Variants in ZFHX3 observed in about 807,000 individuals in gnomAD.
The protein encoded by ZFHX3 is zinc finger homeobox 3, also known as zinc finger homeobox protein 3.
A neutral mutation model predicts 279.1 loss-of-function variants in ZFHX3; 42 were observed. The observed-to-expected ratio is 0.15, with a 90% confidence interval of 0.12 to 0.19. The LOEUF (loss-of-function observed/expected upper bound fraction) is 0.19. Among genes scored for constraint, ZFHX3 ranks in the 10% least tolerant of loss-of-function variants. The pLI is 1.00. For missense variants in ZFHX3, 4,981 were observed against 4,754.0 expected (o/e 1.05, Z -1.40); for synonymous variants, 2,293 against 1,957.8 (o/e 1.17, Z -4.52).
At position 72,785,064 on chromosome 16, in the gene ZFHX3, CAT is replaced by C. The variant is rs2035302707; in HGVS notation, c.*2098_*2099del. 6.6e-6 allele frequency: 1 copy of C among 151,076 alleles called. No individual in the cohort carries two copies. Among genetic ancestry groups the C allele is most frequent in the Non-Finnish European group, 1.5e-5 (1 of 68,030 alleles). 9.4% of individuals were successfully genotyped at this position (151,076 alleles called of 1,614,324 possible). A position where few individuals can be genotyped will look rare whatever the true frequency, so the allele number is the denominator to read the frequency against. On this transcript the variant is annotated 3_prime_UTR_variant, in exon 10 of 10. Coordinates refer to ENST00000268489, the MANE Select transcript of ZFHX3 (RefSeq NM_006885.4). The stretch of plus-strand genomic sequence containing the variant: ...CAGTCTTCAAAGTTCCCTTTTGAAA[CAT>C]AAGGAAGAAAACGAAGGGAAGAAGG...
intron 5 of ZFHX3, among the ~76,000 whole-genome samples, chr16:73,178,767 C>T (rs1441288756): frequency 1.3e-5 from 2 of 152,264 alleles, no homozygotes. Context: ...GGATTACAGG[C>T]ACAGAAGCAT....
At chr16:73,523,318 G>C (rs1235574941) in intron 2 of ZFHX3, among the ~76,000 whole-genome samples, 1 of 152,166 alleles carries the variant, frequency 6.6e-6, no homozygotes, top group African/African-American at 2.4e-5. Context: ...TCCAATTTCA[G>C]CCCTGACATA....
At chr16:73,549,251 A>G (rs1198654993) in intron 2 of ZFHX3, among the ~76,000 whole-genome samples, 1 of 152,196 alleles carries the variant, frequency 6.6e-6, no homozygotes, top group Non-Finnish European at 1.5e-5. Context: ...GGAAATCAAT[A>G]TGAAAAACAG....
Position 73,220,043 on chromosome 16 carries a change from G to A in ZFHX3, c.-1104+37004C>T, listed in dbSNP as rs189951164. Among the ~76,000 whole-genome samples, 20 of 152,064 alleles carry A rather than the reference G, an allele frequency of 1.3e-4. No homozygotes were observed. The East Asian group carries it at 3.5e-3, about 26-fold the overall frequency. On this transcript the variant is annotated intron_variant, in intron 5 of 17. Coordinates refer to the ZFHX3 transcript ENST00000641206. ...GGAGGTTGCAGTAAGCTGAGGTTGT[G>A]CCATTGTACTCCAGCCTGGGCAACA... is the stretch of plus-strand genomic sequence containing the variant.
At chr16:73,461,734 A>G (rs144287967) in intron 2 of ZFHX3, among the ~76,000 whole-genome samples, 6 of 152,160 alleles carry the variant, frequency 3.9e-5, no homozygotes, top group Admixed American at 3.9e-4. Flanking sequence ...ATTCTTCTTC[A>G]TTATCCGTGT....
chr16:73,414,969 A>G (rs534936770), intron 3 of ZFHX3, among the ~76,000 whole-genome samples: 4 of 152,284 alleles, frequency 2.6e-5, no homozygotes, highest in South Asian at 4.1e-4. Flanking sequence ...CTGGGGACAA[A>G]TTTTGATTTT....
At chr16:73,565,955 G>A (rs570230959) in intron 2 of ZFHX3, among the ~76,000 whole-genome samples, 4 of 152,254 alleles carry the variant, frequency 2.6e-5, no homozygotes, top group East Asian at 1.9e-4. Flanking sequence ...GGGCCGGGAT[G>A]GGGGGGATCC....
chr16:72,948,777 T>A (rs1960832291), intron 3 of ZFHX3, among the ~76,000 whole-genome samples: 1 of 152,212 alleles, frequency 6.6e-6, no homozygotes, highest in African/African-American at 2.4e-5. Flanking sequence ...TGTACAAATT[T>A]TACTCAGTTG....
At position 73,626,000 on chromosome 16, in the gene ZFHX3, G is replaced by A. The variant is rs1235584460; in HGVS notation, c.-1547+54180C>T. Among the ~76,000 whole-genome samples, 3 of 152,106 alleles carry A rather than the reference G, an allele frequency of 2.0e-5. No homozygotes were observed. The East Asian group carries it at 5.8e-4, about 29-fold the overall frequency. On this transcript the variant is annotated intron_variant, in intron 2 of 17. Transcript: ENST00000641206. Reference sequence around the variant, plus strand: ...AGCCTCCCAAATAGCTGGGACTACAGGTGCCCACCACCACGCCTGGCTAAT... The same window carrying A: ...AGCCTCCCAAATAGCTGGGACTACAAGTGCCCACCACCACGCCTGGCTAAT...
intron 1 of ZFHX3, among the ~76,000 whole-genome samples, chr16:73,729,257 A>G (rs2142247078): frequency 6.6e-6 from 1 of 152,220 alleles, no homozygotes; most frequent in African/African-American, 2.4e-5. Context: ...AATGGCGTGG[A>G]GGCTCACGCC....
intron 1 of ZFHX3, among the ~76,000 whole-genome samples, chr16:73,047,167 TTCC>T (rs1965329503): frequency 1.3e-5 from 2 of 152,204 alleles, no homozygotes; most frequent in South Asian, 4.1e-4. Flanking sequence ...AACATAGGCA[TTCC>T]TCCTCCTAAC....
chr16:73,007,531 C>T (rs1242751824), intron 1 of ZFHX3, among the ~76,000 whole-genome samples: 1 of 152,220 alleles, frequency 6.6e-6, no homozygotes, highest in Non-Finnish European at 1.5e-5. Context: ...ACTACAATCT[C>T]TGCCTCCCGG....
intron 3 of ZFHX3, among the ~76,000 whole-genome samples, chr16:72,946,156 G>T (rs959751949): frequency 6.6e-6 from 1 of 152,204 alleles, no homozygotes; most frequent in Admixed American, 6.5e-5. Flanking sequence ...AATCCTCCTA[G>T]AATGGCAGGA....
chr16:73,106,725 A>G (rs1966309805), intron 7 of ZFHX3, among the ~76,000 whole-genome samples: 1 of 152,216 alleles, frequency 6.6e-6, no homozygotes, highest in South Asian at 2.1e-4. Context: ...TTCATCATGG[A>G]AGCCCTGCCT....
intron 4 of ZFHX3, among the ~76,000 whole-genome samples, chr16:72,837,093 G>A (rs542993412): frequency 6.6e-6 from 1 of 152,320 alleles, no homozygotes; most frequent in African/African-American, 2.4e-5. Context: ...CTCTTCAGTA[G>A]GACCGAAGTG....
intron 5 of ZFHX3, among the ~76,000 whole-genome samples, chr16:73,241,814 A>AAAAAAC (rs2013132761): frequency 6.7e-6 from 1 of 150,078 alleles, no homozygotes; most frequent in African/African-American, 2.5e-5. Context: ...AAAAAAAAAA[A>AAAAAAC]AGGAGTGTTG....
intron 1 of ZFHX3, among the ~76,000 whole-genome samples, chr16:73,868,265 G>A (rs140278312): frequency 2.0e-4 from 30 of 152,346 alleles, no homozygotes; most frequent in African/African-American, 7.2e-4. Context: ...GCTCACGCCT[G>A]TAATCCCAGC....
Position 72,794,714 on chromosome 16 carries a change from G to C in ZFHX3, c.7968C>G (p.Leu2656=). 6.2e-7 allele frequency: 1 copy of C among 1,614,230 alleles called. No homozygotes were observed. The highest frequency in any genetic ancestry group is 8.5e-7 in the Non-Finnish European group (1 of 1,180,038). Residue 2656 remains leucine, a synonymous_variant, in exon 9 of 10, where the codon CTC becomes CTG. Coordinates refer to ENST00000268489, the MANE Select transcript of ZFHX3 (RefSeq NM_006885.4). The surrounding 1 kb of genome is among the most constrained non-coding windows in gnomAD (Gnocchi z 4.2). ...TGGAATCCAGTAGATACTTCTGGTA[G>C]AGAATTTCTAGTTGTTCCGGTGTGA... is the stretch of plus-strand genomic sequence containing the variant. ...TTITPEQLEI[L]YQKYLLDSNP... is the part of the protein sequence containing the mutation.
At chr16:73,610,213 A>T (rs1488760287) in intron 2 of ZFHX3, 15 of 151,942 alleles carry the variant, frequency 9.9e-5, no homozygotes, top group Admixed American at 9.8e-4. Flanking sequence ...GGAAAAAAAA[A>T]TAGCGATTCA....
Sources: gnomAD v4.1 joint callset for allele counts (sites outside exome capture counted in the v4.1 genomes callset) on GRCh38, gnomAD v4.1.1 for gene constraint, Gnocchi (gnomAD v3.1) non-coding constraint, MANE v1.5 for transcripts, NCBI Gene and HGNC (gene_info 2026-07-23, HGNC 2026-07-21) for gene names.